Variants in CDH23 observed in about 807,000 individuals in gnomAD.
The protein encoded by CDH23 is cadherin-23.
Under a neutral mutation model 317.1 loss-of-function variants are expected in CDH23, and 189 were observed. That is an observed-to-expected ratio of 0.60 (90% CI 0.53 to 0.67). The LOEUF is 0.67. Among genes scored for constraint, CDH23 ranks in the 30% least tolerant of loss-of-function variants. The pLI is 0.00. For synonymous variants in CDH23, 1,839 were observed against 1,876.8 expected, an observed-to-expected ratio of 0.98 and a Z score of 0.52; for missense variants, 4,401 against 4,592.4, an observed-to-expected ratio of 0.96 and a Z score of 1.20.
chr10:71,484,670 G>A (rs1291968575), intron 3 of CDH23, among the ~76,000 whole-genome samples: 1 of 152,206 alleles, frequency 6.6e-6, no homozygotes. Context: ...AACATTATCA[G>A]CAATGCTGGG....
chr10:71,789,691 G>A (rs967401281), intron 45 of CDH23, among the ~76,000 whole-genome samples: 11 of 152,308 alleles, frequency 7.2e-5, no homozygotes, highest in African/African-American at 2.4e-4. Context: ...ACCAAGGCAT[G>A]TGCGTGGGGT....
chr10:71,459,085 CTT>C (rs372627407), intron 3 of CDH23, among the ~76,000 whole-genome samples: 1,778 of 102,576 alleles, frequency 0.017, 24 homozygotes, highest in African/African-American at 0.059. Flanking sequence ...CACACCTGGC[CTT>C]TTTTTTTTTT....
At chr10:71,613,875 C>T (rs1861041722) in intron 9 of CDH23, among the ~76,000 whole-genome samples, 1 of 152,186 alleles carries the variant, frequency 6.6e-6, no homozygotes, top group Non-Finnish European at 1.5e-5. Flanking sequence ...CAGTCCTGCC[C>T]ATTCTCCAGG....
Position 71,815,337 on chromosome 10 carries a change from G to A in CDH23, c.*59G>A. 6.9e-7 allele frequency: 1 copy of A among 1,458,092 alleles called. No individual in the cohort carries two copies. Among genetic ancestry groups the A allele is most frequent in the Non-Finnish European group, 9.2e-7 (1 of 1,089,548 alleles). The allele number at this position is 1,458,092 out of a possible 1,614,324, so 90.3% of individuals were successfully genotyped here. A position where few individuals can be genotyped will look rare whatever the true frequency, so the allele number is the denominator to read the frequency against. On this transcript the variant is annotated 3_prime_UTR_variant, in exon 70 of 70. Transcript: ENST00000224721. The stretch of plus-strand genomic sequence containing the variant: ...CCCATCCACCGTCCCCTCCCAGGGA[G>A]CAAGGGCAGGGACAGGGCCGGTCGG...
chr10:71,436,622 G>GT (rs748930296), intron 1 of CDH23, among the ~76,000 whole-genome samples: 6 of 152,232 alleles, frequency 3.9e-5, no homozygotes, highest in Non-Finnish European at 5.9e-5. Context: ...TCACAGAAGT[G>GT]TTTTGGAAGA....
At chr10:71,701,947 C>T in intron 22 of CDH23, 75 bp from the exon 23 acceptor site, 1 of 1,504,390 alleles carries the variant, frequency 6.6e-7, no homozygotes, top group Non-Finnish European at 9.1e-7. Flanking sequence ...CGTCTGAGCT[C>T]AGATACTCCC....
At chr10:71,653,606 A>G (rs1270798871) in intron 14 of CDH23, among the ~76,000 whole-genome samples, 2 of 152,218 alleles carry the variant, frequency 1.3e-5, no homozygotes, top group African/African-American at 4.8e-5. Flanking sequence ...GCAGAAGGAC[A>G]TGTTGCTCTG....
At position 71,557,982 on chromosome 10, in the gene CDH23, C is replaced by T. The variant is rs796877031; in HGVS notation, c.430-8760C>T. ...TGGATGATTTCTTCCTCTTCATTTA[C>T]TCTTTTTTTTAACTTATTTATTTAT... On this transcript the variant is annotated intron_variant, in intron 6 of 69. Coordinates refer to ENST00000224721, the MANE Select transcript of CDH23 (RefSeq NM_022124.6). 9.5e-5 allele frequency among the ~76,000 whole-genome samples: 13 copies of T among 136,942 alleles called. 1 individual carries two copies. The highest frequency in any genetic ancestry group is 3.8e-4 in the African/African-American group (13 of 34,346). 89.8% of individuals were successfully genotyped at this position (136,942 alleles called of 152,430 possible). A position where few individuals can be genotyped will look rare whatever the true frequency, so the allele number is the denominator to read the frequency against.
intron 25 of CDH23, among the ~76,000 whole-genome samples, chr10:71,705,662 A>G (rs938937983): frequency 1.3e-5 from 2 of 152,168 alleles, no homozygotes; most frequent in East Asian, 3.8e-4. Flanking sequence ...GCTCATTCCC[A>G]GTGTCTCTGC....
chr10:71,560,851 T>G (rs765927486), intron 6 of CDH23, among the ~76,000 whole-genome samples: 27 of 152,214 alleles, frequency 1.8e-4, no homozygotes, highest in Non-Finnish European at 3.5e-4. Context: ...TAACAGGCTC[T>G]GTAATAAGAT....
intron 34 of CDH23, 34 bp from the exon 35 acceptor site, chr10:71,738,464 G>A: frequency 6.2e-7 from 1 of 1,613,792 alleles, no homozygotes; most frequent in Admixed American, 1.7e-5. Context: ...GGAGGGGAAG[G>A]AGGCTGTAGG....
chr10:71,413,110 G>A (rs1217993238), intron 1 of CDH23, among the ~76,000 whole-genome samples: 1 of 152,056 alleles, frequency 6.6e-6, no homozygotes, highest in African/African-American at 2.4e-5. Flanking sequence ...TATAGTTGTG[G>A]TTCTTATGTT....
chr10:71,592,557 C>T (rs1859563779), intron 9 of CDH23, among the ~76,000 whole-genome samples: 1 of 152,048 alleles, frequency 6.6e-6, no homozygotes, highest in Non-Finnish European at 1.5e-5. Flanking sequence ...TGTTCCGATC[C>T]CCTCTTCCCT....
intron 3 of CDH23, among the ~76,000 whole-genome samples, chr10:71,461,709 A>G (rs1376109816): frequency 6.6e-6 from 1 of 152,124 alleles, no homozygotes; most frequent in Non-Finnish European, 1.5e-5. Context: ...GTTCCCACAC[A>G]TTAGGTCCTC....
intron 6 of CDH23, among the ~76,000 whole-genome samples, chr10:71,539,007 G>A (rs912598668): frequency 6.6e-6 from 1 of 152,216 alleles, no homozygotes. Context: ...TGGGAACATG[G>A]CTCAGCCTGT....
chr10:71,696,400 A>T (rs929419445), intron 22 of CDH23, among the ~76,000 whole-genome samples: 3 of 152,190 alleles, frequency 2.0e-5, no homozygotes, highest in Non-Finnish European at 4.4e-5. Flanking sequence ...TCCTCACTGT[A>T]ATCTCACAAG....
chr10:71,716,194 C>A (rs1454963688), intron 28 of CDH23: 2 of 1,550,974 alleles, frequency 1.3e-6, no homozygotes, highest in Admixed American at 2.0e-5. Flanking sequence ...AGGTGGCCAG[C>A]AGGAGGAAGA....
At chr10:71,554,571 T>C (rs886591062) in intron 6 of CDH23, among the ~76,000 whole-genome samples, 1 of 152,172 alleles carries the variant, frequency 6.6e-6, no homozygotes, top group South Asian at 2.1e-4. Flanking sequence ...CTCCAGCCCC[T>C]GCAGCCCTGG....
chr10:71,569,244 C>T (rs1019377910), intron 7 of CDH23, among the ~76,000 whole-genome samples: 1 of 152,210 alleles, frequency 6.6e-6, no homozygotes, highest in Non-Finnish European at 1.5e-5. Flanking sequence ...GGCCCTCCCA[C>T]CCTCTCATTG....
Sources: allele counts gnomAD v4.1 joint callset (sites outside exome capture counted in the v4.1 genomes callset), GRCh38; gene constraint gnomAD v4.1.1; transcripts MANE v1.5; gene names NCBI Gene and HGNC (gene_info 2026-07-23, HGNC 2026-07-21).